The following FRMD4B variants were observed in gnomAD, a reference collection of about 807,000 sequenced individuals.
FRMD4B encodes FERM domain containing 4B, also known as FERM domain-containing protein 4B.
FRMD4B carries 74 observed loss-of-function variants against 141.5 expected under a neutral mutation model. That is an observed-to-expected ratio of 0.52 (90% CI 0.43 to 0.63). FRMD4B has a LOEUF of 0.63. Among genes scored for constraint, FRMD4B ranks in the 30% least tolerant of loss-of-function variants. The probability of loss-of-function intolerance (pLI) is 0.00; values close to 1 mark genes in which losing one functional copy is unlikely to be tolerated. For missense variants in FRMD4B, 1,366 were observed against 1,253.4 expected, an observed-to-expected ratio of 1.09 and a Z score of -1.36; for synonymous variants, 506 against 467.9, an observed-to-expected ratio of 1.08 and a Z score of -1.05.
At chr3:69,515,593 C>A (rs1330891789) in intron 1 of FRMD4B, among the ~76,000 whole-genome samples, 1 of 152,114 alleles carries the variant, frequency 6.6e-6, no homozygotes, top group Non-Finnish European at 1.5e-5. Context: ...ATTGAGATCT[C>A]TTTCATTAGG....
intron 1 of FRMD4B, among the ~76,000 whole-genome samples, chr3:69,327,868 C>T (rs1702233691): frequency 6.6e-6 from 1 of 152,172 alleles, no homozygotes; most frequent in East Asian, 1.9e-4. Flanking sequence ...TCTCAACTTA[C>T]AGGCTTATAT....
intron 1 of FRMD4B, among the ~76,000 whole-genome samples, chr3:69,328,925 G>A (rs926541801): frequency 9.2e-5 from 14 of 152,066 alleles, no homozygotes; most frequent in Non-Finnish European, 1.5e-4. Context: ...AGCAGCTCTC[G>A]GTGCTGCTCT....
intron 5 of FRMD4B, among the ~76,000 whole-genome samples, chr3:69,251,824 C>T (rs2093465219): frequency 6.6e-6 from 1 of 152,198 alleles, no homozygotes; most frequent in South Asian, 2.1e-4. Flanking sequence ...GTTCATCCAA[C>T]AGGTGAGGTG....
At chr3:69,507,853 T>G (rs1399181315) in intron 1 of FRMD4B, among the ~76,000 whole-genome samples, 2 of 151,138 alleles carry the variant, frequency 1.3e-5, no homozygotes, top group South Asian at 2.1e-4. Context: ...GAAAAATAGG[T>G]TTTTTTTTCA....
At chr3:69,390,289 T>C (rs1036171900), upstream of FRMD4B, among the ~76,000 whole-genome samples, 5 of 152,124 alleles carry the variant, frequency 3.3e-5, no homozygotes, top group African/African-American at 1.2e-4. Context: ...TCTAGACACC[T>C]GAAAAACTAG....
intron 1 of FRMD4B, among the ~76,000 whole-genome samples, chr3:69,513,280 T>C (rs1161346705): frequency 6.6e-6 from 1 of 152,100 alleles, no homozygotes; most frequent in African/African-American, 2.4e-5. Flanking sequence ...AACAATTGTA[T>C]ACCAACAGAT....
intron 11 of FRMD4B, among the ~76,000 whole-genome samples, chr3:69,210,881 C>T (rs562936552): frequency 9.2e-5 from 14 of 152,102 alleles, no homozygotes; most frequent in South Asian, 4.2e-4. Flanking sequence ...GGCATGGTGG[C>T]GCATGCCTGT....
intron 1 of FRMD4B, among the ~76,000 whole-genome samples, chr3:69,343,577 G>GTTTTTGTTTTTTTT (rs775904583): frequency 1.6e-5 from 2 of 126,538 alleles, no homozygotes; most frequent in Admixed American, 8.1e-5. Context: ...ACAGTTTTTT[G>GTTTTTGTTTTTTTT]TTTTTTTTTT....
chr3:69,313,852 A>G (rs1383075342), intron 1 of FRMD4B, among the ~76,000 whole-genome samples: 1 of 151,976 alleles, frequency 6.6e-6, no homozygotes, highest in African/African-American at 2.4e-5. Flanking sequence ...TTTATTTAAA[A>G]AAAAAGGCCG....
intron 18 of FRMD4B, among the ~76,000 whole-genome samples, chr3:69,188,672 G>A (rs1341509040): frequency 1.3e-5 from 2 of 150,952 alleles, no homozygotes; most frequent in African/African-American, 4.9e-5. Context: ...CAGGAGAATG[G>A]CGTGAACCCG....
chr3:69,320,646 A>T (rs1701965916), intron 1 of FRMD4B, among the ~76,000 whole-genome samples: 1 of 152,230 alleles, frequency 6.6e-6, no homozygotes, highest in Non-Finnish European at 1.5e-5. Flanking sequence ...TATATTTACA[A>T]ATATAGGATC....
At chr3:69,501,756 T>C (rs1193131616) in intron 1 of FRMD4B, among the ~76,000 whole-genome samples, 1 of 152,178 alleles carries the variant, frequency 6.6e-6, no homozygotes. Context: ...TGTTTGCAGA[T>C]GACATGATTG....
chr3:69,414,991 G>C (rs1704831166), intron 2 of FRMD4B, among the ~76,000 whole-genome samples: 1 of 149,882 alleles, frequency 6.7e-6, no homozygotes. Context: ...TCAGCCTCCT[G>C]AGTAGCTGGG....
chr3:69,249,910 T>C (rs2093450248), intron 6 of FRMD4B, 133 bp downstream of exon 6: 2 of 683,832 alleles, frequency 2.9e-6, no homozygotes. Flanking sequence ...GCGCACATTT[T>C]TCATCGGCAA....
At chr3:69,410,520 T>C (rs1704735791) in intron 2 of FRMD4B, among the ~76,000 whole-genome samples, 1 of 151,608 alleles carries the variant, frequency 6.6e-6, no homozygotes, top group African/African-American at 2.4e-5. Flanking sequence ...GTACAAGCTG[T>C]TTCTGGAAAA....
rs534090647 is a variant in FRMD4B at position 69,242,695 on chromosome 3, G to GA, written c.581+6530dup. On this transcript the variant is annotated intron_variant, in intron 7 of 22. Coordinates refer to ENST00000398540, the MANE Select transcript of FRMD4B (RefSeq NM_015123.3). The stretch of plus-strand genomic sequence containing the variant: ...TAATTTTCACCTCTCAAAATCTTAG[G>GA]AAAAAAAAAAAAAGGCCGGGCTCGT... Among the ~76,000 whole-genome samples the GA allele has an allele frequency of 1.1e-3, 138 of 124,588 alleles. 1 individual carries two copies. Among genetic ancestry groups the GA allele is most frequent in the Non-Finnish European group, 1.2e-3 (68 of 57,994 alleles). The allele number at this position is 124,588 out of a possible 152,430, so 81.7% of individuals were successfully genotyped here.
chr3:69,472,708 A>C (rs1705912557), intron 1 of FRMD4B, among the ~76,000 whole-genome samples: 1 of 152,056 alleles, frequency 6.6e-6, no homozygotes, highest in South Asian at 2.1e-4. Flanking sequence ...AAAGTTTAAT[A>C]AGCAAAAGAA....
chr3:69,468,207 A>G (rs923935109), intron 1 of FRMD4B, among the ~76,000 whole-genome samples: 22 of 139,720 alleles, frequency 1.6e-4, no homozygotes, highest in Non-Finnish European at 2.9e-4. Context: ...AAAAGCAGAG[A>G]AAAAAAGTAT....
intron 1 of FRMD4B, among the ~76,000 whole-genome samples, chr3:69,355,707 T>C (rs1380530909): frequency 1.3e-5 from 2 of 152,026 alleles, no homozygotes; most frequent in East Asian, 3.9e-4. Flanking sequence ...TGAGAACACA[T>C]AGAGATGGAG....
Sources: allele counts gnomAD v4.1 joint callset (sites outside exome capture counted in the v4.1 genomes callset), GRCh38; gene constraint gnomAD v4.1.1; transcripts MANE v1.5; gene names NCBI Gene and HGNC (gene_info 2026-07-23, HGNC 2026-07-21).